Variants in OSGIN1 observed in about 807,000 individuals in gnomAD.
The protein encoded by OSGIN1 is oxidative stress-induced growth inhibitor 1.
Under a neutral mutation model 20.1 loss-of-function variants are expected in OSGIN1, and 19 were observed. The ratio of observed to expected loss-of-function variants is 0.95; its 90% CI spans 0.66 to 1.39. The LOEUF (loss-of-function observed/expected upper bound fraction) is 1.39. Among genes scored for constraint, OSGIN1 ranks in the 40% most tolerant of loss-of-function variants. The pLI is 0.00. For synonymous variants in OSGIN1, 368 were observed against 297.8 expected (o/e 1.24, Z -2.43); for missense variants, 820 against 653.0 (o/e 1.26, Z -2.79).
intron 5 of OSGIN1, among the ~76,000 whole-genome samples, chr16:83,964,388 G>C (rs1335767311): frequency 6.6e-6 from 1 of 152,106 alleles, no homozygotes; most frequent in Admixed American, 6.5e-5. Context: ...TGTGAGTACA[G>C]GTTGATGAAA....
At position 83,965,393 on chromosome 16, in the gene OSGIN1, G is replaced by A. The variant is rs112157467; in HGVS notation, c.820G>A (p.Ala274Thr). Reference protein sequence around the residue: ...FIHHELSALEAATRVGAVTPA... With the variant: ...FIHHELSALETATRVGAVTPA... ...CCACCATGAGCTGTCTGCCCTGGAG[G>A]CCGCCACAAGGGTGGGTGCGGTGAC... is the stretch of plus-strand genomic sequence containing the variant. The change falls in exon 6 of 6, where the codon GCC becomes ACC. Residue 274 changes from alanine (A) to threonine (T), a missense_variant. Coordinates refer to ENST00000393306, the MANE Select transcript of OSGIN1 (RefSeq NM_182981.3). The A allele has an allele frequency of 5.1e-6, 8 of 1,574,536 alleles. No individual in the cohort carries two copies. In the African/African-American group the frequency reaches 1.1e-4, roughly 21 times the overall value.
chr16:83,954,447 G>T (rs1334951128), intron 1 of OSGIN1: 1 of 152,134 alleles, frequency 6.6e-6, no homozygotes, highest in African/African-American at 2.4e-5. Flanking sequence ...TTCAATTAAA[G>T]GGACTTAAAA....
chr16:83,959,958 C>T (rs928159807), intron 3 of OSGIN1, among the ~76,000 whole-genome samples: 15 of 152,194 alleles, frequency 9.9e-5, no homozygotes, highest in African/African-American at 3.6e-4. Flanking sequence ...CCCTCCGTAC[C>T]CCTTGTCTTC....
At position 83,965,185 on chromosome 16, in the gene OSGIN1, G is replaced by T. The variant is rs765078854; in HGVS notation, c.612G>T (p.Gly204=). ...CTGTAGTCACAGCCGTGGAGTGGGG[G>T]ACCCCCGATCCCAGCAGCTGTGGGG... ...SGAVVTAVEW[G]TPDPSSCGAQ... Residue 204 remains glycine, a synonymous_variant, in exon 6 of 6, where the codon GGG becomes GGT. Coordinates refer to ENST00000393306, the MANE Select transcript of OSGIN1 (RefSeq NM_182981.3). 2 of 1,613,322 alleles carry T rather than the reference G, an allele frequency of 1.2e-6. No homozygotes were observed. The highest frequency in any genetic ancestry group is 2.2e-5 in the East Asian group (1 of 44,884).
chr16:83,963,357 T>G (rs1334765107), intron 5 of OSGIN1, among the ~76,000 whole-genome samples: 1 of 152,110 alleles, frequency 6.6e-6, no homozygotes, highest in African/African-American at 2.4e-5. Flanking sequence ...CTCACAATAT[T>G]CCCAAAGGCG....
At position 83,965,825 on chromosome 16, in the gene OSGIN1, C is replaced by A; in HGVS notation, c.1252C>A (p.Gln418Lys). 6.2e-7 allele frequency: 1 copy of A among 1,613,064 alleles called. No individual in the cohort carries two copies. The highest frequency in any genetic ancestry group is 8.5e-7 in the Non-Finnish European group (1 of 1,179,996). The change falls in exon 6 of 6, where the codon CAG becomes AAG. Residue 418 changes from glutamine to lysine, a missense_variant. Transcript: ENST00000393306. ...AGADFAVDPD[Q>K]PLSAKRNPID... ...GGCTGACTTTGCAGTGGATCCTGAC[C>A]AGCCGCTGAGCGCCAAGAGGAACCC...
intron 2 of OSGIN1, among the ~76,000 whole-genome samples, 185 bp downstream of exon 2, chr16:83,957,923 C>T (rs1312221440): frequency 6.6e-6 from 1 of 152,122 alleles, no homozygotes; most frequent in African/African-American, 2.4e-5. Flanking sequence ...GTCGCCCAGG[C>T]TGGAGTGCAG....
At position 83,965,946 on chromosome 16, in the gene OSGIN1, A is replaced by G. The variant is rs1567659202; in HGVS notation, c.1373A>G (p.Gln458Arg). 2 of 1,611,296 alleles carry G rather than the reference A, an allele frequency of 1.2e-6. No homozygotes were observed. Among genetic ancestry groups the G allele is most frequent in the Admixed American group, 3.3e-5 (2 of 59,810 alleles). The change falls in exon 6 of 6, where the codon CAG becomes CGG. Residue 458 changes from glutamine (Q) to arginine (R), a missense_variant. Transcript: ENST00000393306. ...GGGGACAACTTCGTGAGGTTTGTGC[A>G]GGGGGGCGCCTTGGCTGTGGCCAGC... The part of the protein sequence containing the change: ...LAGDNFVRFV[Q>R]GGALAVASSL...
chr16:83,960,911 C>T, intron 4 of OSGIN1, 70 bp from the exon 5 acceptor site: 12 of 1,544,374 alleles, frequency 7.8e-6, no homozygotes, highest in Non-Finnish European at 1.1e-5. Flanking sequence ...GCAAAGGCCT[C>T]CCATGCCCTC....
intron 1 of OSGIN1, among the ~76,000 whole-genome samples, chr16:83,957,380 G>A (rs1908981465): frequency 2.6e-5 from 4 of 152,258 alleles, no homozygotes; most frequent in Middle Eastern, 3.4e-3. Flanking sequence ...AGGCTCGGAG[G>A]GACAGTGGCT....
rs201929895 is a variant in OSGIN1 at position 83,966,022 on chromosome 16, C to T, written c.*15C>T. 3.3e-5 allele frequency: 50 copies of T among 1,504,406 alleles called. 1 individual carries two copies. The highest frequency in any genetic ancestry group is 3.6e-5 in the Non-Finnish European group (40 of 1,123,638). The allele number at this position is 1,504,406 out of a possible 1,614,324, so 93.2% of individuals were successfully genotyped here. A position where few individuals can be genotyped will look rare whatever the true frequency, so the allele number is the denominator to read the frequency against. On this transcript the variant is annotated 3_prime_UTR_variant, in exon 6 of 6. Coordinates refer to ENST00000393306, the MANE Select transcript of OSGIN1 (RefSeq NM_182981.3). ...AGCCACCCTAACACTCGGCCAGACC[C>T]GCTGGCTCCCAGGCCCTGAGAGGAC...
At chr16:83,959,196 C>A in intron 2 of OSGIN1, 64 bp from the exon 3 acceptor site, 1 of 1,150,070 alleles carries the variant, frequency 8.7e-7, no homozygotes, top group South Asian at 1.3e-5. Context: ...AGATCAAAGC[C>A]CTCCACAGTA....
chr16:83,965,405 G>T lies in OSGIN1; in HGVS notation c.832G>T (p.Val278Leu). 1 of 1,577,270 alleles carries T rather than the reference G, an allele frequency of 6.3e-7. No homozygotes were observed. The highest frequency in any genetic ancestry group is 8.6e-7 in the Non-Finnish European group (1 of 1,164,756). The change falls in exon 6 of 6, where the codon GTG becomes TTG. Residue 278 changes from valine to leucine, a missense_variant. Val to Leu is a conservative substitution (Grantham distance 32, BLOSUM62 1). Transcript: ENST00000393306. Reference protein sequence around the residue: ...ELSALEAATRVGAVTPASDPV... With the variant: ...ELSALEAATRLGAVTPASDPV... ...GTCTGCCCTGGAGGCCGCCACAAGGGTGGGTGCGGTGACCCCGGCCTCAGA... is the reference window on the plus strand; with the variant it reads ...GTCTGCCCTGGAGGCCGCCACAAGGTTGGGTGCGGTGACCCCGGCCTCAGA...
At chr16:83,960,934 G>C in intron 4 of OSGIN1, 47 bp from the exon 5 acceptor site, 1 of 1,586,562 alleles carries the variant, frequency 6.3e-7, no homozygotes, top group Non-Finnish European at 8.7e-7. Flanking sequence ...GCCCCAAATG[G>C]GTTCAGGCGA....
chr16:83,966,047 C>T lies in OSGIN1; in HGVS notation c.*40C>T. On this transcript the variant is annotated 3_prime_UTR_variant, in exon 6 of 6. Transcript: ENST00000393306. ...CGCTGGCTCCCAGGCCCTGAGAGGA[C>T]AGAGATGACCACATCCCTGCTGGAT... 1 of 1,408,272 alleles carries T rather than the reference C, an allele frequency of 7.1e-7. No homozygotes were observed. 87.2% of individuals were successfully genotyped at this position (1,408,272 alleles called of 1,614,324 possible). A position where few individuals can be genotyped will look rare whatever the true frequency, so the allele number is the denominator to read the frequency against.
intron 3 of OSGIN1, among the ~76,000 whole-genome samples, chr16:83,959,651 C>A (rs948182501): frequency 6.6e-6 from 1 of 152,244 alleles, no homozygotes; most frequent in Admixed American, 6.5e-5. Flanking sequence ...TCGGGGGGCA[C>A]CTGGCAATGT....
intron 4 of OSGIN1, 102 bp downstream of exon 4, chr16:83,960,862 C>A: frequency 1.4e-6 from 2 of 1,481,154 alleles, no homozygotes; most frequent in East Asian, 2.3e-5. Flanking sequence ...TTCTCCACCC[C>A]GCAACCCTGC....
chr16:83,964,922 G>A, intron 5 of OSGIN1, 140 bp from the exon 6 acceptor site: 2 of 651,100 alleles, frequency 3.1e-6, no homozygotes, highest in Non-Finnish European at 5.4e-6. Flanking sequence ...GCTTAGAGAG[G>A]TTGAATTACC....
chr16:83,961,092 C>T lies in OSGIN1; in HGVS notation c.488+20C>T. 3 of 1,590,526 alleles carry T rather than the reference C, an allele frequency of 1.9e-6. No individual in the cohort carries two copies. Among genetic ancestry groups the T allele is most frequent in the Non-Finnish European group, 1.7e-6 (2 of 1,159,230 alleles). ...GCGAAGGTGAGGCCGCCCCGGAACG[C>T]CTTGGGGGACACGGAAGGTTGGGCC... On this transcript the variant is annotated intron_variant, in intron 5 of 5. Coordinates refer to ENST00000393306, the MANE Select transcript of OSGIN1 (RefSeq NM_182981.3).
Sources: allele counts gnomAD v4.1 joint callset (sites outside exome capture counted in the v4.1 genomes callset), GRCh38; gene constraint gnomAD v4.1.1; transcripts MANE v1.5; gene names NCBI Gene and HGNC (gene_info 2026-07-23, HGNC 2026-07-21).